RXYLT1: variants seen among roughly 807,000 people sequenced by gnomAD.
RXYLT1 encodes ribitol-5-phosphate xylosyltransferase 1.
Under a neutral mutation model 43.5 loss-of-function variants are expected in RXYLT1, and 41 were observed. That is an observed-to-expected ratio of 0.94 (90% CI 0.73 to 1.22). The LOEUF (loss-of-function observed/expected upper bound fraction) is 1.22, where lower values mean the gene tolerates loss of function less well. Ranked by LOEUF, RXYLT1 falls within the 50% of genes most tolerant of loss-of-function variation. The pLI is 0.00. For missense variants in RXYLT1, 514 were observed against 532.0 expected, an observed-to-expected ratio of 0.97 and a Z score of 0.33; for synonymous variants, 166 against 194.4, an observed-to-expected ratio of 0.85 and a Z score of 1.21.
chr12:63,799,529 G>A (rs146464452), intron 3 of RXYLT1, among the ~76,000 whole-genome samples: 113 of 151,866 alleles, frequency 7.4e-4, no homozygotes, highest in African/African-American at 2.6e-3. Flanking sequence ...GGACTCAAGC[G>A]ATCCGCCTAC....
intron 1 of RXYLT1, among the ~76,000 whole-genome samples, chr12:63,780,798 A>G (rs1261493059): frequency 1.3e-5 from 2 of 152,198 alleles, no homozygotes; most frequent in East Asian, 3.8e-4. Context: ...TCAAGGTAGC[A>G]TTTTATTTCT....
chr12:63,789,995 G>A (rs1029311803), intron 3 of RXYLT1, among the ~76,000 whole-genome samples: 1 of 152,106 alleles, frequency 6.6e-6, no homozygotes, highest in Non-Finnish European at 1.5e-5. Context: ...ATAAACAAAC[G>A]AGCTTATATC....
intron 3 of RXYLT1, among the ~76,000 whole-genome samples, chr12:63,795,285 AAAGAAG>A (rs33957381): frequency 7.5e-4 from 112 of 150,166 alleles, no homozygotes; most frequent in South Asian, 3.6e-3. Flanking sequence ...TGTCAAAAAA[AAAGAAG>A]AAGAAGAAGA....
Position 63,802,406 on chromosome 12 carries a change from G to A in RXYLT1, c.743+1G>A, listed in dbSNP as rs778174763. The stretch of plus-strand genomic sequence containing the variant: ...TTCAGTGGCCTTTAGGAGTAGCAAC[G>A]TAAGTACAAAATATGATTAAACATT... On this transcript the variant is annotated splice_donor_variant, in intron 4 of 5. Transcript: ENST00000261234. LOFTEE classifies it high-confidence loss of function. 3.8e-6 allele frequency: 6 copies of A among 1,558,812 alleles called. No individual in the cohort carries two copies. Among genetic ancestry groups the A allele is most frequent in the South Asian group, 1.2e-5 (1 of 83,328 alleles).
In RXYLT1 at chr12:63,781,294, T is replaced by G. The variant is rs1177055306; in HGVS notation, c.325+120T>G. ...TGTTAATTAAGGCATCATGATATAT[T>G]TTTTCGCTTTTTGTCAATAATTCCT... On this transcript the variant is annotated intron_variant, in intron 2 of 5. Coordinates refer to ENST00000261234, the MANE Select transcript of RXYLT1 (RefSeq NM_014254.3). 9.1e-6 allele frequency: 10 copies of G among 1,103,744 alleles called. No individual in the cohort carries two copies. The African/African-American group carries it at 1.6e-4, about 18-fold the overall frequency. The allele number at this position is 1,103,744 out of a possible 1,614,324, so 68.4% of individuals were successfully genotyped here.
At chr12:63,798,246 TA>T (rs1268105604) in intron 3 of RXYLT1, among the ~76,000 whole-genome samples, 22 of 152,204 alleles carry the variant, frequency 1.4e-4, no homozygotes, top group African/African-American at 4.3e-4. Context: ...GGCTCAAGGT[TA>T]AAGCCCACCA....
chr12:63,782,366 G>A (rs1897705515), intron 2 of RXYLT1, among the ~76,000 whole-genome samples: 1 of 152,192 alleles, frequency 6.6e-6, no homozygotes, highest in Non-Finnish European at 1.5e-5. Context: ...TAATCTATAG[G>A]TTGTACAGCT....
At chr12:63,799,302 C>CTTTTTTTTT (rs11312130) in intron 3 of RXYLT1, among the ~76,000 whole-genome samples, 118 of 71,356 alleles carry the variant, frequency 1.7e-3, no homozygotes, top group Non-Finnish European at 1.7e-3. Flanking sequence ...CTTTTCTTTT[C>CTTTTTTTTT]TTTTTTTTTT....
At chr12:63,793,037 G>A (rs1461210468) in intron 3 of RXYLT1, among the ~76,000 whole-genome samples, 1 of 152,164 alleles carries the variant, frequency 6.6e-6, no homozygotes, top group Non-Finnish European at 1.5e-5. Context: ...CTTCTGAGTA[G>A]CTGGGAATAT....
chr12:63,785,876 C>T (rs1208991352), intron 3 of RXYLT1, among the ~76,000 whole-genome samples: 1 of 152,102 alleles, frequency 6.6e-6, no homozygotes, highest in Non-Finnish European at 1.5e-5. Flanking sequence ...TAGTTAACCT[C>T]AATTTTGTTC....
intron 3 of RXYLT1, among the ~76,000 whole-genome samples, chr12:63,790,058 C>T (rs185588622): frequency 1.3e-5 from 2 of 152,260 alleles, no homozygotes; most frequent in Admixed American, 6.5e-5. Context: ...AGGATATCAT[C>T]AGTGTTGCAG....
chr12:63,801,174 A>C (rs1898150995), intron 3 of RXYLT1, among the ~76,000 whole-genome samples: 1 of 152,170 alleles, frequency 6.6e-6, no homozygotes. Flanking sequence ...TACTGATCCT[A>C]AATATATATG....
At chr12:63,794,357 A>G (rs545020007) in intron 3 of RXYLT1, among the ~76,000 whole-genome samples, 2 of 152,310 alleles carry the variant, frequency 1.3e-5, no homozygotes, top group African/African-American at 4.8e-5. Flanking sequence ...TGTCAGTCAC[A>G]TTGCTTAAAA....
chr12:63,787,689 G>A (rs1005795938), intron 3 of RXYLT1, among the ~76,000 whole-genome samples: 3 of 152,026 alleles, frequency 2.0e-5, no homozygotes, highest in South Asian at 2.1e-4. Flanking sequence ...GGGCAGTAGC[G>A]TAATCTCAGC....
intron 3 of RXYLT1, among the ~76,000 whole-genome samples, chr12:63,785,928 C>T (rs1897790922): frequency 6.6e-6 from 1 of 152,006 alleles, no homozygotes. Flanking sequence ...ACTTTATATA[C>T]ACTTGGAAAG....
At chr12:63,781,241 T>G (rs1897676961) in intron 2 of RXYLT1, 67 bp downstream of exon 2, 1 of 1,310,912 alleles carries the variant, frequency 7.6e-7, no homozygotes, top group African/African-American at 1.5e-5. Context: ...GATATGAAAT[T>G]CATTTTAATA....
Position 63,802,008 on chromosome 12 carries a change from G to A in RXYLT1, c.429-83G>A, listed in dbSNP as rs1044081764. 6 of 1,274,208 alleles carry A rather than the reference G, an allele frequency of 4.7e-6. No homozygotes were observed. In the African/African-American group the frequency reaches 6.0e-5, roughly 13 times the overall value. The allele number at this position is 1,274,208 out of a possible 1,614,324, so 78.9% of individuals were successfully genotyped here. A position where few individuals can be genotyped will look rare whatever the true frequency, so the allele number is the denominator to read the frequency against. On this transcript the variant is annotated intron_variant, in intron 3 of 5. Transcript: ENST00000261234. Reference sequence around the variant, plus strand: ...TGGATTAAATCTCATTGTAGATTTTGTATAAAATGATGAATTTCTGATACC... The same window carrying A: ...TGGATTAAATCTCATTGTAGATTTTATATAAAATGATGAATTTCTGATACC...
At chr12:63,795,282 AAAAAAGAAGAAGAAG>A (rs1304031270) in intron 3 of RXYLT1, among the ~76,000 whole-genome samples, 6 of 143,720 alleles carry the variant, frequency 4.2e-5, no homozygotes, top group African/African-American at 7.7e-5. Context: ...CTGTGTCAAA[AAAAAAGAAGAAGAAG>A]AAGAAGAAGA....
intron 2 of RXYLT1, 144 bp downstream of exon 2, chr12:63,781,318 CT>C (rs1897679407): frequency 1.3e-6 from 1 of 790,176 alleles, no homozygotes; most frequent in Non-Finnish European, 1.8e-6. Context: ...TCAATAATTC[CT>C]TTCTCCTTCC....
Sources: gnomAD v4.1 joint callset for allele counts (sites outside exome capture counted in the v4.1 genomes callset) on GRCh38, gnomAD v4.1.1 for gene constraint, MANE v1.5 for transcripts, NCBI Gene and HGNC (gene_info 2026-07-23, HGNC 2026-07-21) for gene names.